Variants in STK32B observed in about 807,000 individuals in gnomAD.
The protein encoded by STK32B is serine/threonine-protein kinase 32B.
Under a neutral mutation model 52.6 loss-of-function variants are expected in STK32B, and 43 were observed. The observed-to-expected ratio is 0.82, with a 90% CI of 0.64 to 1.05. The LOEUF is 1.05. Ranked by LOEUF, STK32B falls within the 50% of genes least tolerant of loss-of-function variation. The pLI, the probability that STK32B is intolerant of heterozygous loss-of-function variation, is 0.00. For missense variants in STK32B, 621 were observed against 534.6 expected (o/e 1.16, Z -1.59); for synonymous variants, 238 against 204.3 (o/e 1.17, Z -1.41).
At chr4:5,197,595 C>T (rs1057342955) in intron 3 of STK32B, among the ~76,000 whole-genome samples, 1 of 152,202 alleles carries the variant, frequency 6.6e-6, no homozygotes, top group Non-Finnish European at 1.5e-5. Context: ...CAGATTTCAT[C>T]ACAAAGAATT....
In STK32B at chr4:5,051,895, T is replaced by G. The variant is rs377478284; in HGVS notation, c.32T>G (p.Val11Gly). 74 of 1,599,552 alleles carry G rather than the reference T, an allele frequency of 4.6e-5. No individual in the cohort carries two copies. The highest frequency in any genetic ancestry group is 6.1e-5 in the Non-Finnish European group (72 of 1,173,576). ...GGGAACCACTCCCACAAGCCCCCCG[T>G]GTTTGACGAGAATGAGGAAGGTAAG... Reference protein sequence around the residue: MGGNHSHKPPVFDENEEVNFD... With the variant: MGGNHSHKPPGFDENEEVNFD... Residue 11 changes from valine (V) to glycine (G), a missense_variant, in exon 1 of 12, where the codon GTG becomes GGG. Physicochemically the swap from Val to Gly is moderately radical, Grantham distance 109 (BLOSUM62 -3). Transcript: ENST00000282908.
intron 3 of STK32B, among the ~76,000 whole-genome samples, chr4:5,317,109 A>ATT (rs1731025333): frequency 2.8e-5 from 1 of 36,036 alleles, no homozygotes; most frequent in South Asian, 1.5e-3. Flanking sequence ...TATAATATAT[A>ATT]ATATATATAA....
the STK32B span, among the ~76,000 whole-genome samples, chr4:5,028,112 G>A: frequency 6.6e-6 from 1 of 152,218 alleles, no homozygotes; most frequent in Non-Finnish European, 1.5e-5. Flanking sequence ...AGAGTGCTCG[G>A]TGCGGAGCTG....
chr4:5,385,914 C>A (rs1031604778), intron 4 of STK32B, among the ~76,000 whole-genome samples: 2 of 142,356 alleles, frequency 1.4e-5, no homozygotes, highest in Admixed American at 1.4e-4. Context: ...TACCCACATT[C>A]CCCACCCACA....
chr4:5,484,032 T>A (rs1246866115), intron 11 of STK32B, among the ~76,000 whole-genome samples: 2 of 152,252 alleles, frequency 1.3e-5, no homozygotes, highest in Admixed American at 1.3e-4. Flanking sequence ...TTGGAATAGG[T>A]GTGGTGTGAT....
In STK32B at chr4:5,485,467, G is replaced by T. The variant is rs1465639273; in HGVS notation, c.1107-13478G>T. Among the ~76,000 whole-genome samples the T allele has an allele frequency of 2.0e-5, 3 of 152,066 alleles. No homozygotes were observed. In the East Asian group the frequency reaches 5.8e-4, roughly 29 times the overall value. Reference sequence around the variant, plus strand: ...GTCCTTTAAGGACTTCTCTGTATTGGTTATTCTACTTAGCCATTCGTCTAA... The same window carrying T: ...GTCCTTTAAGGACTTCTCTGTATTGTTTATTCTACTTAGCCATTCGTCTAA... On this transcript the variant is annotated intron_variant, in intron 11 of 11. Coordinates refer to ENST00000282908, the MANE Select transcript of STK32B (RefSeq NM_018401.3).
intron 4 of STK32B, among the ~76,000 whole-genome samples, chr4:5,370,415 ATGGGTAAAGAT>A (rs1735152761): frequency 6.6e-6 from 1 of 152,194 alleles, no homozygotes; most frequent in Admixed American, 6.5e-5. Context: ...AATGACATCA[ATGGGTAAAGAT>A]GGTTGTGAAG....
intron 3 of STK32B, among the ~76,000 whole-genome samples, chr4:5,180,204 A>C (rs1040603101): frequency 1.2e-4 from 19 of 152,336 alleles, no homozygotes; most frequent in African/African-American, 4.3e-4. Context: ...GGCCCCAAGC[A>C]GTTTGCTATC....
intron 4 of STK32B, among the ~76,000 whole-genome samples, chr4:5,382,794 G>A (rs1047162570): frequency 1.2e-4 from 18 of 152,232 alleles, no homozygotes; most frequent in African/African-American, 3.1e-4. Flanking sequence ...ATGCAACATT[G>A]CATTTAATTC....
intron 3 of STK32B, among the ~76,000 whole-genome samples, chr4:5,289,685 A>ATTTT (rs56211807): frequency 5.8e-5 from 5 of 86,850 alleles, no homozygotes; most frequent in Non-Finnish European, 1.2e-4. Context: ...TGCCCGGCTA[A>ATTTT]TTTTTTTTTT....
At chr4:5,143,059 G>A (rs1560174293) in intron 2 of STK32B, among the ~76,000 whole-genome samples, 1 of 152,088 alleles carries the variant, frequency 6.6e-6, no homozygotes, top group Non-Finnish European at 1.5e-5. Context: ...CCCTACAGTT[G>A]TGTGAACCAG....
chr4:5,130,500 C>T (rs75508789), intron 1 of STK32B, among the ~76,000 whole-genome samples: 2 of 152,100 alleles, frequency 1.3e-5, no homozygotes, highest in Non-Finnish European at 2.9e-5. Context: ...AGAAAGTAAT[C>T]TCTTGGCCTT....
rs748502788 is a variant in STK32B, at chr4:5,416,871, A to G, written c.499A>G (p.Ile167Val). Reference protein sequence around the residue: ...HGHVHITDFNIATVVKGAERA... With the variant: ...HGHVHITDFNVATVVKGAERA... ...ACATGTTCACATTACAGACTTCAAC[A>G]TAGCGACGGTAGTGAAAGGAGCAGA... The change falls in exon 6 of 12, where the codon ATA becomes GTA. Residue 167 changes from isoleucine (I) to valine (V), a missense_variant. Transcript: ENST00000282908. 1.2e-5 allele frequency: 19 copies of G among 1,613,874 alleles called. No individual in the cohort carries two copies. Among genetic ancestry groups the G allele is most frequent in the Non-Finnish European group, 1.4e-5 (16 of 1,179,954 alleles).
intron 5 of STK32B, among the ~76,000 whole-genome samples, chr4:5,402,927 A>G (rs1737412697): frequency 6.6e-6 from 1 of 152,228 alleles, no homozygotes; most frequent in Admixed American, 6.5e-5. Flanking sequence ...TAGGCATTCC[A>G]GAGGTACACA....
At chr4:5,100,555 C>T (rs901460324) in intron 1 of STK32B, among the ~76,000 whole-genome samples, 5 of 136,248 alleles carry the variant, frequency 3.7e-5, no homozygotes, top group African/African-American at 1.1e-4. Context: ...TCCTTTCCTC[C>T]TTCCTTCCTT....
Position 5,462,858 on chromosome 4 carries a change from T to A in STK32B, c.909+2630T>A, listed in dbSNP as rs146011524. ...CCCCTGAGGATAAAGTTGTTCCCAG[T>A]TGACAACCACAAGGGTAGGGTTTTG... is the stretch of plus-strand genomic sequence containing the variant. On this transcript the variant is annotated intron_variant, in intron 9 of 11. Transcript: ENST00000282908. 1.8e-3 allele frequency among the ~76,000 whole-genome samples: 278 copies of A among 152,296 alleles called. 1 individual carries two copies. The highest frequency in any genetic ancestry group is 6.1e-3 in the African/African-American group (255 of 41,560).
At chr4:5,133,355 T>C (rs540920188) in intron 1 of STK32B, among the ~76,000 whole-genome samples, 1 of 152,346 alleles carries the variant, frequency 6.6e-6, no homozygotes, top group South Asian at 2.1e-4. Flanking sequence ...CTGCCACAGC[T>C]TGGTCAGCCC....
intron 3 of STK32B, among the ~76,000 whole-genome samples, chr4:5,260,002 G>A (rs1025905440): frequency 1.3e-5 from 2 of 151,866 alleles, no homozygotes; most frequent in Admixed American, 1.3e-4. Flanking sequence ...ATCTTCCTGA[G>A]GGGGGGTCAA....
chr4:5,338,102 G>T (rs1234063859), intron 4 of STK32B, among the ~76,000 whole-genome samples: 1 of 152,194 alleles, frequency 6.6e-6, no homozygotes, highest in Non-Finnish European at 1.5e-5. Flanking sequence ...GGGGTAGAAA[G>T]TGGTAGGATT....
Sources: gnomAD v4.1 joint callset for allele counts (sites outside exome capture counted in the v4.1 genomes callset) on GRCh38, gnomAD v4.1.1 for gene constraint, MANE v1.5 for transcripts, NCBI Gene and HGNC (gene_info 2026-07-23, HGNC 2026-07-21) for gene names.